Variants in CCSER2 observed in about 807,000 individuals in gnomAD.
The protein encoded by CCSER2 is serine-rich coiled-coil domain-containing protein 2.
A neutral mutation model predicts 92.3 loss-of-function variants in CCSER2; 46 were observed. The ratio of observed to expected loss-of-function variants is 0.50; its 90% CI spans 0.39 to 0.64. CCSER2 has a LOEUF of 0.64. Among genes scored for constraint, CCSER2 ranks in the 30% least tolerant of loss-of-function variants. The pLI is 0.00. For synonymous variants in CCSER2, 433 were observed against 431.4 expected, an observed-to-expected ratio of 1.00 and a Z score of -0.04; for missense variants, 1,244 against 1,238.9, an observed-to-expected ratio of 1.00 and a Z score of -0.06.
chr10:84,394,659 G>A (rs1841728204), intron 3 of CCSER2, among the ~76,000 whole-genome samples: 1 of 151,534 alleles, frequency 6.6e-6, no homozygotes, highest in South Asian at 2.1e-4. Flanking sequence ...GAAATAAGAT[G>A]GTGGAAAGGA....
At chr10:84,415,723 A>G (rs1219807430) in intron 3 of CCSER2, among the ~76,000 whole-genome samples, 2 of 152,084 alleles carry the variant, frequency 1.3e-5, no homozygotes, top group East Asian at 3.9e-4. Flanking sequence ...TCTTGTTCGG[A>G]CTGTCTGGAC....
intron 3 of CCSER2, among the ~76,000 whole-genome samples, chr10:84,413,699 G>A (rs1842762304): frequency 6.6e-6 from 1 of 152,162 alleles, no homozygotes; most frequent in Non-Finnish European, 1.5e-5. Context: ...GAATATCTTT[G>A]TTAAATTTCT....
intron 9 of CCSER2, among the ~76,000 whole-genome samples, chr10:84,487,538 C>T (rs1337686164): frequency 2.0e-5 from 3 of 151,620 alleles, no homozygotes; most frequent in Non-Finnish European, 3.0e-5. Context: ...TGATTTGGCT[C>T]TCTGTCTGTT....
At chr10:84,492,402 A>G (rs1011447428) in intron 9 of CCSER2, among the ~76,000 whole-genome samples, 1 of 152,112 alleles carries the variant, frequency 6.6e-6, no homozygotes, top group African/African-American at 2.4e-5. Flanking sequence ...TATGTTGACC[A>G]TTATGTCATC....
intron 1 of CCSER2, among the ~76,000 whole-genome samples, chr10:84,362,952 T>G (rs1019611981): frequency 5.3e-5 from 8 of 151,950 alleles, no homozygotes; most frequent in East Asian, 3.9e-4. Flanking sequence ...TGCTTTAGCC[T>G]CAGCCTCCCA....
intron 9 of CCSER2, among the ~76,000 whole-genome samples, chr10:84,507,130 A>G (rs928029879): frequency 2.0e-5 from 3 of 152,238 alleles, no homozygotes; most frequent in African/African-American, 7.2e-5. Flanking sequence ...ATGTACAAAT[A>G]TATTAAATGA....
chr10:84,432,011 C>T (rs1843798998), intron 5 of CCSER2, among the ~76,000 whole-genome samples: 1 of 152,146 alleles, frequency 6.6e-6, no homozygotes, highest in South Asian at 2.1e-4. Context: ...TACCCTTTTG[C>T]GTTTCCACCA....
intron 3 of CCSER2, among the ~76,000 whole-genome samples, chr10:84,396,712 T>C (rs570951384): frequency 9.1e-4 from 139 of 152,326 alleles, no homozygotes; most frequent in Non-Finnish European, 1.8e-3. Context: ...AATTTTTGTA[T>C]TTTTGGTAGA....
At chr10:84,329,979 G>A (rs1237307594) in intron 1 of CCSER2, among the ~76,000 whole-genome samples, 1 of 152,138 alleles carries the variant, frequency 6.6e-6, no homozygotes, top group Admixed American at 6.5e-5. Context: ...TCATACTGTC[G>A]TACTTCAGCA....
chr10:84,348,861 AT>A (rs1844702187), intron 1 of CCSER2, among the ~76,000 whole-genome samples: 1 of 151,962 alleles, frequency 6.6e-6, no homozygotes, highest in Non-Finnish European at 1.5e-5. Context: ...TTTTCTTACC[AT>A]TTGCTCTCTT....
intron 9 of CCSER2, among the ~76,000 whole-genome samples, chr10:84,490,568 C>T (rs961125969): frequency 3.3e-5 from 5 of 152,178 alleles, no homozygotes; most frequent in African/African-American, 1.2e-4. Flanking sequence ...ACGTAGTTCT[C>T]GTGCCATGGT....
intron 9 of CCSER2, among the ~76,000 whole-genome samples, chr10:84,503,145 G>A (rs1418385155): frequency 3.9e-5 from 6 of 151,976 alleles, no homozygotes; most frequent in African/African-American, 1.2e-4. Context: ...GGAGAATGGC[G>A]TGAACCCATG....
At chr10:84,505,853 C>T (rs1476277108) in intron 9 of CCSER2, among the ~76,000 whole-genome samples, 1 of 134,026 alleles carries the variant, frequency 7.5e-6, no homozygotes, top group African/African-American at 2.5e-5. Context: ...TTACAATCTG[C>T]TTTGCAGCTT....
intron 3 of CCSER2, among the ~76,000 whole-genome samples, chr10:84,381,654 G>A (rs1278826827): frequency 6.6e-6 from 1 of 151,984 alleles, no homozygotes; most frequent in African/African-American, 2.4e-5. Flanking sequence ...TGGGCCGGGC[G>A]CGGTGGCTCA....
In CCSER2 at chr10:84,470,650, G is replaced by A. The variant is rs1178313257; in HGVS notation, c.2235+192G>A. Among the ~76,000 whole-genome samples the A allele has an allele frequency of 3.3e-5, 5 of 152,000 alleles. No homozygotes were observed. In the East Asian group the frequency reaches 9.6e-4, roughly 29 times the overall value. ...TTTTAATCTAAATATTAAGTATTTGGTTTGGAAAATTCTTCATTGATTCAG... is the reference window on the plus strand; with the variant it reads ...TTTTAATCTAAATATTAAGTATTTGATTTGGAAAATTCTTCATTGATTCAG... On this transcript the variant is annotated intron_variant, in intron 8 of 9. Transcript: ENST00000372088.
intron 1 of CCSER2, among the ~76,000 whole-genome samples, chr10:84,336,313 T>C (rs151181271): frequency 6.6e-5 from 10 of 152,314 alleles, no homozygotes; most frequent in Non-Finnish European, 1.0e-4. Flanking sequence ...ATTTTCTGCC[T>C]TTGTGGAGCT....
chr10:84,385,373 TA>T (rs1231664821), intron 3 of CCSER2, among the ~76,000 whole-genome samples: 2 of 152,166 alleles, frequency 1.3e-5, no homozygotes, highest in African/African-American at 2.4e-5. Context: ...AAAGCTGTAG[TA>T]ACCAAAACAG....
intron 9 of CCSER2, among the ~76,000 whole-genome samples, chr10:84,486,901 A>C (rs932055292): frequency 5.3e-5 from 8 of 152,174 alleles, no homozygotes; most frequent in African/African-American, 1.9e-4. Context: ...TCTTTAATCC[A>C]TCTTGAATTA....
intron 5 of CCSER2, among the ~76,000 whole-genome samples, chr10:84,428,884 C>G (rs886521667): frequency 6.6e-6 from 1 of 151,136 alleles, no homozygotes; most frequent in African/African-American, 2.4e-5. Flanking sequence ...TTTCATTCTA[C>G]TAATGTGGAG....
Sources: allele counts gnomAD v4.1 joint callset (sites outside exome capture counted in the v4.1 genomes callset), GRCh38; gene constraint gnomAD v4.1.1; transcripts MANE v1.5; gene names NCBI Gene and HGNC (gene_info 2026-07-23, HGNC 2026-07-21).